NLRC3: variants seen among roughly 807,000 people sequenced by gnomAD.
The protein encoded by NLRC3 is NLR family CARD domain containing 3.
Under a neutral mutation model 91.6 loss-of-function variants are expected in NLRC3, and 87 were observed. That is an observed-to-expected ratio of 0.95 (90% CI 0.80 to 1.14). The LOEUF (loss-of-function observed/expected upper bound fraction) is 1.14. Among genes scored for constraint, NLRC3 ranks in the 50% most tolerant of loss-of-function variants. The pLI is 0.00. For synonymous variants in NLRC3, 694 were observed against 625.3 expected, an observed-to-expected ratio of 1.11 and a Z score of -1.64; for missense variants, 1,577 against 1,418.6, an observed-to-expected ratio of 1.11 and a Z score of -1.79.
chr16:3,568,766 CAT>C (rs1230741639), intron 1 of NLRC3, among the ~76,000 whole-genome samples: 2 of 152,078 alleles, frequency 1.3e-5, no homozygotes, highest in South Asian at 2.1e-4. Context: ...GACATTGCCT[CAT>C]GTGTATGGGT....
At chr16:3,573,072 C>T (rs1357015314) in intron 1 of NLRC3, among the ~76,000 whole-genome samples, 1 of 150,904 alleles carries the variant, frequency 6.6e-6, no homozygotes, top group Non-Finnish European at 1.5e-5. Context: ...TTTGCAAGAC[C>T]TCTATACTGA....
chr16:3,563,654 G>A lies in NLRC3; in HGVS notation c.1283C>T (p.Ala428Val). The change falls in exon 5 of 20, where the codon GCT (alanine) becomes GTT (valine). Residue 428 changes from alanine (A) to valine (V), a missense_variant. Coordinates refer to ENST00000359128, the MANE Select transcript of NLRC3 (RefSeq NM_178844.4). ...QDMKAFGVDLALLQGAPCSCF... is the reference protein window; with the variant it reads ...QDMKAFGVDLVLLQGAPCSCF... ...GCTGCACGGGGCGCCCTGCAGCAGA[G>A]CGAGGTCTACACCAAACGCCTTCAT... The A allele has an allele frequency of 6.2e-7, 1 of 1,610,530 alleles. No individual in the cohort carries two copies. Among genetic ancestry groups the A allele is most frequent in the Non-Finnish European group, 8.5e-7 (1 of 1,178,516 alleles).
At position 3,548,223 on chromosome 16, in the gene NLRC3, GCAGACA is replaced by G. The variant is rs1567126637; in HGVS notation, c.2688-11_2688-6del. On this transcript the variant is annotated splice_polypyrimidine_tract_variant and splice_region_variant and intron_variant, in intron 14 of 19. Transcript: ENST00000359128. ...TGGATGAAGTTCCACTGCAGGCTGG[GCAGACA>G]CAGACACATGTGACTATGTGACTAT... The G allele has an allele frequency of 3.2e-6, 5 of 1,586,964 alleles. No individual in the cohort carries two copies. Among genetic ancestry groups the G allele is most frequent in the Admixed American group, 1.8e-5 (1 of 56,318 alleles).
At chr16:3,575,518 C>T (rs1233047380) in intron 1 of NLRC3, among the ~76,000 whole-genome samples, 1 of 152,164 alleles carries the variant, frequency 6.6e-6, no homozygotes, top group East Asian at 1.9e-4. Context: ...GCGAGCAGGG[C>T]GAGGCCAGAG....
intron 6 of NLRC3, 61 bp from the exon 7 acceptor site, chr16:3,557,737 T>G: frequency 9.6e-7 from 1 of 1,041,818 alleles, no homozygotes; most frequent in South Asian, 1.3e-5. Context: ...GGCCTCTTCC[T>G]CAACGCTGTG....
Sources: allele counts gnomAD v4.1 joint callset (sites outside exome capture counted in the v4.1 genomes callset), GRCh38; gene constraint gnomAD v4.1.1; transcripts MANE v1.5; gene names NCBI Gene and HGNC (gene_info 2026-07-23, HGNC 2026-07-21).